Variants in TMEM117 observed in about 807,000 individuals in gnomAD.
The protein encoded by TMEM117 is transmembrane protein 117.
In TMEM117, 27 loss-of-function variants were observed where a neutral mutation model predicts 52.4. The observed-to-expected ratio is 0.51, with a 90% confidence interval of 0.38 to 0.71. The LOEUF (loss-of-function observed/expected upper bound fraction) is 0.71. Ranked by LOEUF, TMEM117 falls within the 30% of genes least tolerant of loss-of-function variation. TMEM117 has a pLI of 0.00. For synonymous variants in TMEM117, 215 were observed against 206.3 expected (o/e 1.04, Z -0.36); for missense variants, 556 against 630.5 (o/e 0.88, Z 1.26).
At chr12:43,933,308 C>G (rs979171032) in intron 2 of TMEM117, among the ~76,000 whole-genome samples, 3 of 151,602 alleles carry the variant, frequency 2.0e-5, no homozygotes, top group African/African-American at 7.3e-5. Flanking sequence ...TCACGCCATT[C>G]TCCTGCCTCA....
intron 3 of TMEM117, among the ~76,000 whole-genome samples, chr12:43,949,603 A>G (rs1173042033): frequency 6.6e-6 from 1 of 152,090 alleles, no homozygotes; most frequent in Non-Finnish European, 1.5e-5. Context: ...GATCACCAAG[A>G]GTTTGCTATC....
chr12:44,007,921 C>A (rs1946226182), intron 3 of TMEM117, among the ~76,000 whole-genome samples: 1 of 152,044 alleles, frequency 6.6e-6, no homozygotes, highest in South Asian at 2.1e-4. Flanking sequence ...TCCACTAAAC[C>A]CTTTTTCCCA....
At chr12:44,348,705 T>G (rs1199990999) in intron 6 of TMEM117, among the ~76,000 whole-genome samples, 1 of 151,922 alleles carries the variant, frequency 6.6e-6, no homozygotes, top group Non-Finnish European at 1.5e-5. Context: ...GTGGGTTTTG[T>G]CTTTAGACTA....
intron 2 of TMEM117, among the ~76,000 whole-genome samples, chr12:43,901,552 TC>T (rs1209599050): frequency 1.3e-5 from 2 of 152,204 alleles, no homozygotes; most frequent in Non-Finnish European, 2.9e-5. Flanking sequence ...CCTCAAGTGA[TC>T]CACCATCTCA....
At chr12:44,263,834 A>G (rs1176592699) in intron 5 of TMEM117, 1 of 152,364 alleles carries the variant, frequency 6.6e-6, no homozygotes, top group South Asian at 2.1e-4. Flanking sequence ...AAATATAAAT[A>G]TAAAATATAC....
At chr12:44,372,783 A>G (rs1478161380) in intron 6 of TMEM117, among the ~76,000 whole-genome samples, 1 of 152,216 alleles carries the variant, frequency 6.6e-6, no homozygotes, top group East Asian at 1.9e-4. Context: ...GACCTAGCAG[A>G]AAGTATGTAT....
intron 2 of TMEM117, among the ~76,000 whole-genome samples, chr12:43,936,885 T>C (rs1309373453): frequency 6.6e-6 from 1 of 151,972 alleles, no homozygotes; most frequent in Non-Finnish European, 1.5e-5. Flanking sequence ...GAAGTCTAGA[T>C]GAGAAAACAA....
chr12:44,311,771 ATATATG>A (rs1191057969), intron 6 of TMEM117, among the ~76,000 whole-genome samples: 35 of 125,212 alleles, frequency 2.8e-4, no homozygotes, highest in East Asian at 1.6e-3. Context: ...ATATATATGT[ATATATG>A]TGTATATATG....
chr12:44,123,668 C>T (rs1280872344), intron 3 of TMEM117, among the ~76,000 whole-genome samples: 1 of 152,144 alleles, frequency 6.6e-6, no homozygotes, highest in Non-Finnish European at 1.5e-5. Context: ...ATCCTTTCTC[C>T]ATTGCTTGTT....
chr12:44,262,903 A>G (rs1950336879), intron 5 of TMEM117, among the ~76,000 whole-genome samples: 1 of 152,220 alleles, frequency 6.6e-6, no homozygotes, highest in Non-Finnish European at 1.5e-5. Flanking sequence ...CATTTTTAAT[A>G]TTGCTGTCTT....
chr12:44,065,494 T>C (rs1212764787), intron 3 of TMEM117, among the ~76,000 whole-genome samples: 2 of 152,200 alleles, frequency 1.3e-5, no homozygotes, highest in Non-Finnish European at 2.9e-5. Flanking sequence ...TAGTACCTAG[T>C]ACAGTTTCTG....
chr12:43,891,400 T>G (rs1320323279), intron 2 of TMEM117, among the ~76,000 whole-genome samples: 1 of 136,134 alleles, frequency 7.3e-6, no homozygotes, highest in East Asian at 2.0e-4. Context: ...TGAGATGGAG[T>G]CTCACCCTGT....
chr12:44,199,653 T>A (rs2138365048), intron 4 of TMEM117, among the ~76,000 whole-genome samples: 1 of 152,264 alleles, frequency 6.6e-6, no homozygotes, highest in Admixed American at 6.5e-5. Context: ...TATACCAGGA[T>A]CTTTATTGAA....
intron 6 of TMEM117, among the ~76,000 whole-genome samples, chr12:44,371,930 C>T (rs1457312544): frequency 6.6e-6 from 1 of 152,098 alleles, no homozygotes; most frequent in African/African-American, 2.4e-5. Context: ...ATGACACTGT[C>T]CTTTTATTTT....
At chr12:43,835,561 C>T (rs1012643174), upstream of TMEM117, among the ~76,000 whole-genome samples, 1 of 152,034 alleles carries the variant, frequency 6.6e-6, no homozygotes, top group African/African-American at 2.4e-5. Context: ...TCTGCCTCTC[C>T]CCACCCCCAC....
rs11612895 is a variant in TMEM117, at chr12:44,184,684, G to T, written c.511-26606G>T. ...TCAACAACCAGAATGTCTTGAAAGCGATCCTTTCCTAGAGCCTCCAGAAAG... is the reference window on the plus strand; with the variant it reads ...TCAACAACCAGAATGTCTTGAAAGCTATCCTTTCCTAGAGCCTCCAGAAAG... On this transcript the variant is annotated intron_variant, in intron 4 of 7. Coordinates refer to ENST00000266534, the MANE Select transcript of TMEM117 (RefSeq NM_032256.3). Among the ~76,000 whole-genome samples the T allele has an allele frequency of 1.6e-3, 251 of 152,250 alleles. 1 individual carries two copies. The highest frequency in any genetic ancestry group is 2.2e-3 in the Non-Finnish European group (153 of 68,028).
chr12:44,345,968 A>G (rs1951481202), intron 6 of TMEM117, among the ~76,000 whole-genome samples: 1 of 152,118 alleles, frequency 6.6e-6, no homozygotes, highest in Non-Finnish European at 1.5e-5. Context: ...AATCTTACAG[A>G]TCATCTACTA....
intron 4 of TMEM117, among the ~76,000 whole-genome samples, chr12:44,194,359 C>G (rs1181044232): frequency 6.6e-6 from 1 of 152,066 alleles, no homozygotes; most frequent in African/African-American, 2.4e-5. Flanking sequence ...GTTAAATAAT[C>G]ACAAATTTTT....
chr12:44,329,606 C>A (rs757620260), intron 6 of TMEM117, among the ~76,000 whole-genome samples: 1 of 152,028 alleles, frequency 6.6e-6, no homozygotes, highest in South Asian at 2.1e-4. Context: ...CGATGCATCT[C>A]CAGAAATTTT....
Sources: allele counts gnomAD v4.1 joint callset (sites outside exome capture counted in the v4.1 genomes callset), GRCh38; gene constraint gnomAD v4.1.1; transcripts MANE v1.5; gene names NCBI Gene and HGNC (gene_info 2026-07-23, HGNC 2026-07-21).